Variants in NCK1 observed in about 807,000 individuals in gnomAD.
The protein encoded by NCK1 is SH2/SH3 adapter protein NCK1.
Under a neutral mutation model 36.6 loss-of-function variants are expected in NCK1, and 19 were observed. The observed-to-expected ratio is 0.52, with a 90% CI of 0.36 to 0.76. The LOEUF (loss-of-function observed/expected upper bound fraction) is 0.76, where lower values mean the gene tolerates loss of function less well. NCK1 is among the 30% of genes least tolerant of loss of function. The pLI is 0.00. For missense variants in NCK1, 358 were observed against 445.6 expected (o/e 0.80, Z 1.77); for synonymous variants, 165 against 156.0 (o/e 1.06, Z -0.43).
At chr3:136,886,972 T>G (rs954315941) in intron 1 of NCK1, among the ~76,000 whole-genome samples, 17 of 152,212 alleles carry the variant, frequency 1.1e-4, no homozygotes, top group Admixed American at 7.9e-4. Context: ...GCCTCCCAAG[T>G]AGCTGGGACT....
At chr3:136,889,753 A>G (rs1939184916) in intron 1 of NCK1, among the ~76,000 whole-genome samples, 1 of 152,190 alleles carries the variant, frequency 6.6e-6, no homozygotes, top group African/African-American at 2.4e-5. Context: ...AGTCCCCACC[A>G]GAGTAGCTAG....
chr3:136,908,957 C>T (rs1939764918), intron 1 of NCK1, among the ~76,000 whole-genome samples: 1 of 152,108 alleles, frequency 6.6e-6, no homozygotes, highest in Non-Finnish European at 1.5e-5. Flanking sequence ...GGGGACACTA[C>T]ACTCATGAAT....
At chr3:136,930,699 A>C in intron 2 of NCK1, 1 of 960,726 alleles carries the variant, frequency 1.0e-6, no homozygotes, top group East Asian at 3.2e-5. Flanking sequence ...GGTTTATGTA[A>C]GCTACTACAT....
At chr3:136,882,547 CTGTGTGTGTGTGTGTGTG>C (rs35463509) in intron 1 of NCK1, among the ~76,000 whole-genome samples, 4 of 143,410 alleles carry the variant, frequency 2.8e-5, no homozygotes, top group Admixed American at 1.4e-4. Context: ...TCCCACATCA[CTGTGTGTGTGTGTGTGTG>C]TGTGTGTGTG....
intron 1 of NCK1, among the ~76,000 whole-genome samples, chr3:136,923,167 A>T (rs141075501): frequency 1.3e-5 from 2 of 152,156 alleles, no homozygotes; most frequent in Non-Finnish European, 2.9e-5. Context: ...GTGGGGGTAG[A>T]TAAAAATTAG....
intron 1 of NCK1, among the ~76,000 whole-genome samples, chr3:136,923,126 C>A: frequency 6.6e-6 from 1 of 151,408 alleles, no homozygotes; most frequent in Non-Finnish European, 1.5e-5. Context: ...TGTGTGCGCG[C>A]CTGTGTGCAT....
chr3:136,907,934 C>T (rs187510715), intron 1 of NCK1, among the ~76,000 whole-genome samples: 212 of 152,232 alleles, frequency 1.4e-3, no homozygotes, highest in African/African-American at 4.8e-3. Context: ...AGCTAGGAAC[C>T]GGTAATATCA....
rs371541531 is a variant in NCK1, at chr3:136,923,195, T to C, written c.-18-4789T>C. 3.3e-5 allele frequency among the ~76,000 whole-genome samples: 5 copies of C among 152,214 alleles called. No individual in the cohort carries two copies. The East Asian group carries it at 5.8e-4, about 18-fold the overall frequency. On this transcript the variant is annotated intron_variant, in intron 1 of 3. Transcript: ENST00000481752. ...AAAATTAGAATTTTCAATTTTCTTA[T>C]ATATTTTTCTTGAATACTTTCCTTA...
chr3:136,875,533 A>G (rs1938741748), intron 1 of NCK1, among the ~76,000 whole-genome samples: 2 of 152,236 alleles, frequency 1.3e-5, no homozygotes, highest in Admixed American at 6.5e-5. Context: ...CTTTAAACCA[A>G]CAAAGATCAA....
At chr3:136,872,879 T>C (rs975976477) in intron 1 of NCK1, among the ~76,000 whole-genome samples, 10 of 152,190 alleles carry the variant, frequency 6.6e-5, no homozygotes, top group African/African-American at 2.4e-4. Context: ...AAGTCAAGAA[T>C]TGGGGTTTGG....
intron 1 of NCK1, among the ~76,000 whole-genome samples, chr3:136,927,724 T>G (rs1166008394): frequency 6.6e-6 from 1 of 152,178 alleles, no homozygotes; most frequent in African/African-American, 2.4e-5. Context: ...TTTCACCATG[T>G]TGGCCAAGCT....
At chr3:136,880,942 C>T (rs1196507205) in intron 1 of NCK1, among the ~76,000 whole-genome samples, 3 of 152,116 alleles carry the variant, frequency 2.0e-5, no homozygotes, top group Non-Finnish European at 4.4e-5. Context: ...TCTTAAAGTA[C>T]ACTCCAGGTC....
At chr3:136,866,304 CTT>C (rs1044337762) in intron 1 of NCK1, among the ~76,000 whole-genome samples, 40 of 149,740 alleles carry the variant, frequency 2.7e-4, no homozygotes, top group African/African-American at 9.3e-4. Flanking sequence ...CTTTTTCTTT[CTT>C]TCTTTCTTTT....
At chr3:136,906,020 C>T (rs1328007602) in intron 1 of NCK1, among the ~76,000 whole-genome samples, 1 of 152,156 alleles carries the variant, frequency 6.6e-6, no homozygotes, top group African/African-American at 2.4e-5. Context: ...TGTCCTTACA[C>T]TGGTATCTGT....
At chr3:136,947,012 C>G (rs1576995921) in intron 3 of NCK1, 1 of 152,126 alleles carries the variant, frequency 6.6e-6, no homozygotes, top group Admixed American at 6.5e-5. Context: ...GATATCACTA[C>G]TTTTCCATTT....
At chr3:136,893,687 AATCT>A (rs1939316950) in intron 1 of NCK1, among the ~76,000 whole-genome samples, 1 of 152,112 alleles carries the variant, frequency 6.6e-6, no homozygotes, top group Non-Finnish European at 1.5e-5. Context: ...CTTTTGATAG[AATCT>A]ACATCTTGCT....
chr3:136,901,267 A>ATT (rs543590536), intron 1 of NCK1, among the ~76,000 whole-genome samples: 7 of 112,942 alleles, frequency 6.2e-5, no homozygotes, highest in Admixed American at 1.7e-4. Flanking sequence ...ATTGTGGTGT[A>ATT]TTTTTTTTTT....
intron 1 of NCK1, chr3:136,889,062 T>A: frequency 7.9e-6 from 1 of 126,080 alleles, no homozygotes; most frequent in East Asian, 2.1e-4. Context: ...TTTTTTTTTT[T>A]TTTTTTTTTT....
At chr3:136,948,213 G>T in intron 3 of NCK1, 46 bp from the exon 4 acceptor site, 1 of 1,423,776 alleles carries the variant, frequency 7.0e-7, no homozygotes. Flanking sequence ...TACTGATAGA[G>T]GGCTTTCAAA....
Sources: allele counts gnomAD v4.1 joint callset (sites outside exome capture counted in the v4.1 genomes callset), GRCh38; gene constraint gnomAD v4.1.1; transcripts MANE v1.5; gene names NCBI Gene and HGNC (gene_info 2026-07-23, HGNC 2026-07-21).